EBF1: variants seen among roughly 807,000 people sequenced by gnomAD.
EBF1 encodes the protein transcription factor COE1.
EBF1 carries 10 observed loss-of-function variants against 68.4 expected under a neutral mutation model. The ratio of observed to expected loss-of-function variants is 0.15; its 90% CI spans 0.09 to 0.25. The LOEUF (loss-of-function observed/expected upper bound fraction) is 0.25. EBF1 is among the 10% of genes least tolerant of loss of function. EBF1 has a pLI of 1.00. For synonymous variants in EBF1, 298 were observed against 299.8 expected, an observed-to-expected ratio of 0.99 and a Z score of 0.06; for missense variants, 509 against 794.4, an observed-to-expected ratio of 0.64 and a Z score of 4.32.
chr5:158,749,990 G>T (rs552705997), intron 10 of EBF1, among the ~76,000 whole-genome samples: 1 of 152,130 alleles, frequency 6.6e-6, no homozygotes, highest in South Asian at 2.1e-4. Flanking sequence ...ATGGGACACT[G>T]GATTTTTATC....
chr5:158,939,948 CCCTCTCAAGGAATACACTTAT>C (rs1448799504), intron 6 of EBF1, among the ~76,000 whole-genome samples: 1 of 152,128 alleles, frequency 6.6e-6, no homozygotes, highest in Admixed American at 6.5e-5. Flanking sequence ...TACACTTATA[CCCTCTCAAGGAATACACTTAT>C]ACCCTCTTAC....
At chr5:159,008,700 G>T (rs968435827) in intron 6 of EBF1, among the ~76,000 whole-genome samples, 17 of 151,452 alleles carry the variant, frequency 1.1e-4, no homozygotes, top group East Asian at 1.9e-4. Context: ...TAATTTTTTT[G>T]TTGTTGTTGT....
At chr5:158,733,316 A>G (rs867980261) in intron 10 of EBF1, among the ~76,000 whole-genome samples, 4 of 152,200 alleles carry the variant, frequency 2.6e-5, no homozygotes, top group Admixed American at 2.0e-4. Context: ...TCTTGGTTTT[A>G]CTTTTCAGTC....
At chr5:158,915,678 G>C (rs576942563) in intron 6 of EBF1, among the ~76,000 whole-genome samples, 2 of 152,188 alleles carry the variant, frequency 1.3e-5, no homozygotes, top group Non-Finnish European at 2.9e-5. Flanking sequence ...GCCTTTTCAC[G>C]GAGGGAGACA....
chr5:158,762,677 A>C (rs1771738608), intron 10 of EBF1, among the ~76,000 whole-genome samples: 1 of 152,108 alleles, frequency 6.6e-6, no homozygotes, highest in African/African-American at 2.4e-5. Flanking sequence ...CTGGGACTAC[A>C]GGCGCCCGCC....
At chr5:158,926,798 G>T (rs1048443944) in intron 6 of EBF1, among the ~76,000 whole-genome samples, 4 of 151,708 alleles carry the variant, frequency 2.6e-5, no homozygotes, top group African/African-American at 9.7e-5. Flanking sequence ...TTGGTCCACA[G>T]CAATGAAAAT....
chr5:158,840,185 T>A (rs1789893330), intron 6 of EBF1, 75 bp from the exon 7 acceptor site: 1 of 1,088,818 alleles, frequency 9.2e-7, no homozygotes, highest in African/African-American at 1.6e-5. Context: ...AAGTCACCCC[T>A]GGGTTGTGCA....
chr5:158,944,984 T>G (rs546516238), intron 6 of EBF1, among the ~76,000 whole-genome samples: 1 of 152,348 alleles, frequency 6.6e-6, no homozygotes, highest in East Asian at 1.9e-4. Flanking sequence ...CTTTGTCAGA[T>G]GGATAGATTG....
At chr5:158,887,714 C>T (rs1461850790) in intron 6 of EBF1, among the ~76,000 whole-genome samples, 1 of 152,208 alleles carries the variant, frequency 6.6e-6, no homozygotes, top group Admixed American at 6.5e-5. Flanking sequence ...GTCTTTTATA[C>T]TCCTCTATTT....
intron 8 of EBF1, among the ~76,000 whole-genome samples, chr5:158,822,676 T>C (rs1325864167): frequency 6.6e-6 from 1 of 152,144 alleles, no homozygotes; most frequent in Non-Finnish European, 1.5e-5. Context: ...AACCTCGACA[T>C]TGAACCTGAT....
At chr5:158,735,314 G>A (rs138891854) in intron 10 of EBF1, among the ~76,000 whole-genome samples, 368 of 152,172 alleles carry the variant, frequency 2.4e-3, no homozygotes, top group African/African-American at 8.5e-3. Flanking sequence ...ACACTTAATG[G>A]GGATACATTA....
chr5:158,729,163 C>A (rs1364892985), intron 11 of EBF1, among the ~76,000 whole-genome samples: 1 of 152,156 alleles, frequency 6.6e-6, no homozygotes, highest in African/African-American at 2.4e-5. Context: ...TAATAAAACT[C>A]GAAAAGGTAC....
chr5:159,050,335 G>A (rs1773336826), intron 6 of EBF1, among the ~76,000 whole-genome samples: 1 of 151,146 alleles, frequency 6.6e-6, no homozygotes, highest in South Asian at 2.1e-4. Flanking sequence ...GTTCTCTCTT[G>A]ACTTCTACCC....
At chr5:159,098,037 T>C (rs2128013820) in intron 1 of EBF1, among the ~76,000 whole-genome samples, 1 of 152,280 alleles carries the variant, frequency 6.6e-6, no homozygotes, top group Non-Finnish European at 1.5e-5. Context: ...CCCATCCTAA[T>C]ACTCAGTGGG....
At chr5:159,084,868 T>C in intron 4 of EBF1, 129 bp from the exon 5 acceptor site, 1 of 625,480 alleles carries the variant, frequency 1.6e-6, no homozygotes, top group South Asian at 3.0e-5. Context: ...GCCAAAGACA[T>C]CACTGGGTTG....
At chr5:158,958,756 A>G (rs75028374) in intron 6 of EBF1, among the ~76,000 whole-genome samples, 1,644 of 152,248 alleles carry the variant, frequency 0.011, 39 homozygotes, top group African/African-American at 0.038. Context: ...TCAGATCCAG[A>G]TGAGAGACTC....
intron 15 of EBF1, among the ~76,000 whole-genome samples, chr5:158,705,250 A>G (rs576596017): frequency 1.3e-5 from 2 of 152,288 alleles, no homozygotes; most frequent in East Asian, 3.9e-4. Context: ...CAAAGTGCTG[A>G]GACTACAGGT....
At chr5:159,060,194 A>G (rs1247664549) in intron 6 of EBF1, among the ~76,000 whole-genome samples, 1 of 152,214 alleles carries the variant, frequency 6.6e-6, no homozygotes, top group African/African-American at 2.4e-5. Flanking sequence ...AATCCTAAAA[A>G]TAAAAATAAT....
intron 14 of EBF1, 124 bp downstream of exon 14, chr5:158,712,030 T>TC: frequency 8.7e-7 from 1 of 1,147,128 alleles, no homozygotes; most frequent in South Asian, 1.5e-5. Flanking sequence ...CCCAGGGGAG[T>TC]GCCTTACAGG....
Sources: gnomAD v4.1 joint callset for allele counts (sites outside exome capture counted in the v4.1 genomes callset) on GRCh38, gnomAD v4.1.1 for gene constraint, MANE v1.5 for transcripts, NCBI Gene and HGNC (gene_info 2026-07-23, HGNC 2026-07-21) for gene names.